The following LRP1B variants were observed in gnomAD, a reference collection of about 807,000 sequenced individuals.
LRP1B encodes the protein low-density lipoprotein receptor-related protein 1B.
In LRP1B, 217 loss-of-function variants were observed where a neutral mutation model predicts 556.6. That is an observed-to-expected ratio of 0.39 (90% confidence interval 0.35 to 0.44). The LOEUF (loss-of-function observed/expected upper bound fraction) is 0.44. Ranked by LOEUF, LRP1B falls within the 20% of genes least tolerant of loss-of-function variation. LRP1B has a pLI of 1.00. For synonymous variants in LRP1B, 2,047 were observed against 1,865.8 expected (o/e 1.10, Z -2.50); for missense variants, 5,053 against 5,620.8 (o/e 0.90, Z 3.23).
At chr2:141,041,747 C>G (rs562202473) in intron 11 of LRP1B, among the ~76,000 whole-genome samples, 1 of 152,174 alleles carries the variant, frequency 6.6e-6, no homozygotes, top group East Asian at 1.9e-4. Flanking sequence ...ATGGTCACAA[C>G]ATTAAGAAAT....
chr2:141,561,473 G>A (rs1021061152), intron 2 of LRP1B, among the ~76,000 whole-genome samples: 2 of 151,684 alleles, frequency 1.3e-5, no homozygotes, highest in African/African-American at 4.8e-5. Context: ...AGCAAAGATG[G>A]GAATCTTGGA....
chr2:141,069,128 G>C (rs1699563699), intron 7 of LRP1B, among the ~76,000 whole-genome samples: 1 of 151,934 alleles, frequency 6.6e-6, no homozygotes. Context: ...AATCAAGCCT[G>C]CTGAACTCTG....
chr2:141,805,457 C>G (rs964360222), intron 2 of LRP1B: 1 of 152,042 alleles, frequency 6.6e-6, no homozygotes, highest in Admixed American at 6.6e-5. Flanking sequence ...GAAACAAAAC[C>G]CAGCATATGT....
chr2:140,520,873 T>C (rs933281032), intron 49 of LRP1B, among the ~76,000 whole-genome samples: 3 of 149,060 alleles, frequency 2.0e-5, no homozygotes, highest in East Asian at 2.0e-4. Flanking sequence ...AACAGAACTT[T>C]TGGAATTAAA....
At chr2:140,450,013 A>G (rs1686820654) in intron 63 of LRP1B, among the ~76,000 whole-genome samples, 1 of 152,220 alleles carries the variant, frequency 6.6e-6, no homozygotes, top group African/African-American at 2.4e-5. Flanking sequence ...TGCCAATTAC[A>G]GTCAAATGTC....
chr2:140,973,074 A>G (rs899433258), intron 18 of LRP1B, among the ~76,000 whole-genome samples: 2 of 143,580 alleles, frequency 1.4e-5, no homozygotes. Flanking sequence ...ATATATATAT[A>G]TATATATTTC....
chr2:141,672,303 C>A (rs1167394150), intron 2 of LRP1B, among the ~76,000 whole-genome samples: 1 of 152,050 alleles, frequency 6.6e-6, no homozygotes, highest in Admixed American at 6.6e-5. Context: ...AGTAAGCACC[C>A]AGTAGCATTT....
chr2:141,275,600 C>T (rs889735226), intron 3 of LRP1B, among the ~76,000 whole-genome samples: 1 of 152,122 alleles, frequency 6.6e-6, no homozygotes, highest in Non-Finnish European at 1.5e-5. Flanking sequence ...GTCTTGACTA[C>T]TATTTGGGAG....
chr2:140,777,840 A>C (rs951176680), intron 32 of LRP1B, among the ~76,000 whole-genome samples: 1 of 152,116 alleles, frequency 6.6e-6, no homozygotes, highest in African/African-American at 2.4e-5. Flanking sequence ...TTTTCAATAG[A>C]ATGATCAGAA....
At chr2:142,076,630 A>G (rs1705512026) in intron 1 of LRP1B, among the ~76,000 whole-genome samples, 1 of 152,130 alleles carries the variant, frequency 6.6e-6, no homozygotes, top group Non-Finnish European at 1.5e-5. Flanking sequence ...ACTAGTTTTT[A>G]AATAGCTGCT....
chr2:142,022,655 C>CTTTTA (rs1310004460), intron 1 of LRP1B, among the ~76,000 whole-genome samples: 3 of 151,932 alleles, frequency 2.0e-5, no homozygotes, highest in Admixed American at 6.6e-5. Context: ...AATCTCACTG[C>CTTTTA]TTTTATTTTA....
chr2:140,714,223 A>G (rs1459193741), intron 37 of LRP1B, among the ~76,000 whole-genome samples: 1 of 152,158 alleles, frequency 6.6e-6, no homozygotes, highest in East Asian at 1.9e-4. Flanking sequence ...GATGTACTGA[A>G]TTGAAGGCTG....
intron 3 of LRP1B, among the ~76,000 whole-genome samples, chr2:141,380,866 A>G (rs1478911200): frequency 6.6e-6 from 1 of 152,104 alleles, no homozygotes; most frequent in Non-Finnish European, 1.5e-5. Flanking sequence ...AAGATTGCAG[A>G]TGGTGGTTAG....
At chr2:140,359,339 A>C (rs2105139764) in intron 72 of LRP1B, among the ~76,000 whole-genome samples, 1 of 151,794 alleles carries the variant, frequency 6.6e-6, no homozygotes, top group African/African-American at 2.4e-5. Flanking sequence ...TTACAGGCCC[A>C]AAATTGAAAA....
intron 6 of LRP1B, among the ~76,000 whole-genome samples, chr2:141,196,488 A>C (rs2105214599): frequency 6.6e-6 from 1 of 152,226 alleles, no homozygotes; most frequent in African/African-American, 2.4e-5. Flanking sequence ...TTAAATTAAT[A>C]TTCAGTCTTT....
rs369484459 is a variant in LRP1B at position 140,788,235 on chromosome 2, C to A, written c.5360-11997G>T. Among the ~76,000 whole-genome samples, 18 of 152,148 alleles carry A rather than the reference C, an allele frequency of 1.2e-4. No homozygotes were observed. The East Asian group carries it at 2.5e-3, about 21-fold the overall frequency. On this transcript the variant is annotated intron_variant, in intron 32 of 90. Transcript: ENST00000389484. The stretch of plus-strand genomic sequence containing the variant: ...ATGAATGAGTCAACAACAACAACAA[C>A]AAAAAACTAAAACTTACATATGACT...
intron 11 of LRP1B, among the ~76,000 whole-genome samples, chr2:141,046,086 A>T (rs1698861324): frequency 6.6e-6 from 1 of 152,158 alleles, no homozygotes; most frequent in African/African-American, 2.4e-5. Context: ...AAAATCAAAT[A>T]ATGAATAAAG....
chr2:141,189,685 AC>A (rs1681415467), intron 6 of LRP1B, among the ~76,000 whole-genome samples: 1 of 152,008 alleles, frequency 6.6e-6, no homozygotes, highest in Non-Finnish European at 1.5e-5. Context: ...CCATAAAGTA[AC>A]CACTAGCCAA....
chr2:141,169,564 C>G (rs1313148142), intron 7 of LRP1B, among the ~76,000 whole-genome samples: 2 of 151,436 alleles, frequency 1.3e-5, no homozygotes, highest in Non-Finnish European at 2.9e-5. Context: ...ACATGAGATA[C>G]AGAAATTATG....
Sources: gnomAD v4.1 joint callset for allele counts (sites outside exome capture counted in the v4.1 genomes callset) on GRCh38, gnomAD v4.1.1 for gene constraint, MANE v1.5 for transcripts, NCBI Gene and HGNC (gene_info 2026-07-23, HGNC 2026-07-21) for gene names.